GTPBP4: variants seen among roughly 807,000 people sequenced by gnomAD.
The protein encoded by GTPBP4 is GTP-binding protein 4.
GTPBP4 carries 15 observed loss-of-function variants against 81.7 expected under a neutral mutation model. The observed-to-expected ratio is 0.18, with a 90% CI of 0.12 to 0.28. The LOEUF (loss-of-function observed/expected upper bound fraction) is 0.28, where lower values mean the gene tolerates loss of function less well. Among genes scored for constraint, GTPBP4 ranks in the 10% least tolerant of loss-of-function variants. The pLI is 1.00. For missense variants in GTPBP4, 847 were observed against 793.8 expected, an observed-to-expected ratio of 1.07 and a Z score of -0.81; for synonymous variants, 272 against 274.6, an observed-to-expected ratio of 0.99 and a Z score of 0.09.
rs1292278247 is a variant in GTPBP4 at position 991,895 on chromosome 10, C to T, written c.49-594C>T. ...TATTTTTAGTAGAGACGGGGTTTCA[C>T]CGTGTTAGCCAGGATGGTCTCGATC... On this transcript the variant is annotated intron_variant, in intron 1 of 16. Transcript: ENST00000360803. Among the ~76,000 whole-genome samples, 51 of 147,118 alleles carry T rather than the reference C, an allele frequency of 3.5e-4. 1 individual carries two copies. The highest frequency in any genetic ancestry group is 6.5e-4 in the Non-Finnish European group (43 of 66,368).
chr10:1,004,901 G>A (rs936522325), intron 8 of GTPBP4, among the ~76,000 whole-genome samples: 3 of 152,192 alleles, frequency 2.0e-5, no homozygotes, highest in Admixed American at 6.5e-5. Context: ...CCAAGATGAT[G>A]GAGTATAGCC....
intron 9 of GTPBP4, among the ~76,000 whole-genome samples, chr10:1,006,430 G>A (rs1362142421): frequency 6.6e-6 from 1 of 152,172 alleles, no homozygotes; most frequent in African/African-American, 2.4e-5. Context: ...CCCAAGGTCG[G>A]GAGTTCGAGA....
At position 999,104 on chromosome 10, in the gene GTPBP4, C is replaced by T. The variant is rs1333825480; in HGVS notation, c.654+9C>T. The T allele has an allele frequency of 2.8e-6, 4 of 1,422,300 alleles. No individual in the cohort carries two copies. The highest frequency in any genetic ancestry group is 1.8e-4 in the Middle Eastern group (1 of 5,658). 88.1% of individuals were successfully genotyped at this position (1,422,300 alleles called of 1,614,324 possible). Reference sequence around the variant, plus strand: ...AGTATCTACGTTGGCAGGTGAGAGTCTTGTCTTTATTTTTATTCATTTATT... The same window carrying T: ...AGTATCTACGTTGGCAGGTGAGAGTTTTGTCTTTATTTTTATTCATTTATT... On this transcript the variant is annotated intron_variant, in intron 6 of 16. Transcript: ENST00000360803.
At chr10:1,012,836 T>C (rs1831903961) in intron 14 of GTPBP4, among the ~76,000 whole-genome samples, 174 bp downstream of exon 14, 1 of 152,250 alleles carries the variant, frequency 6.6e-6, no homozygotes, top group South Asian at 2.1e-4. Context: ...TTATATTCTT[T>C]ACTGCGTCCT....
rs779553274 is a variant in GTPBP4 at position 1,017,127 on chromosome 10, G to A, written c.1805G>A (p.Arg602Gln). ...MMKNAQKKMN[R>Q]LGKKGEADRH... ...AAGAATGCTCAGAAGAAGATGAATCGGTTGGGGAAGAAAGGGGAGGCGGAT... is the reference window on the plus strand; with the variant it reads ...AAGAATGCTCAGAAGAAGATGAATCAGTTGGGGAAGAAAGGGGAGGCGGAT... The change falls in exon 17 of 17, where the codon CGG becomes CAG. Residue 602 changes from arginine to glutamine, a missense_variant. Arg to Gln is a conservative substitution (Grantham distance 43). Coordinates refer to ENST00000360803, the MANE Select transcript of GTPBP4 (RefSeq NM_012341.3). The A allele has an allele frequency of 5.5e-5, 89 of 1,613,634 alleles. No individual in the cohort carries two copies. Among genetic ancestry groups the A allele is most frequent in the African/African-American group, 6.7e-5 (5 of 74,906 alleles).
rs1356058085 is a variant in GTPBP4 at position 988,891 on chromosome 10, G to C, written c.48+364G>C. On this transcript the variant is annotated intron_variant, in intron 1 of 16. Transcript: ENST00000360803. ...TGAGGGAGGAAGCGTTCCGTGGTCC[G>C]TGATGAGCCTTCGGATTCTGGGTTT... 3 of 229,206 alleles carry C rather than the reference G, an allele frequency of 1.3e-5. No homozygotes were observed. In the South Asian group the frequency reaches 2.8e-4, roughly 21 times the overall value. 14.2% of individuals were successfully genotyped at this position (229,206 alleles called of 1,614,324 possible). A position where few individuals can be genotyped will look rare whatever the true frequency, so the allele number is the denominator to read the frequency against.
chr10:988,566 C>T (rs2132149893), intron 1 of GTPBP4, 39 bp downstream of exon 1: 2 of 1,524,916 alleles, frequency 1.3e-6, no homozygotes, highest in Non-Finnish European at 1.8e-6. Flanking sequence ...CTTTCGCGTT[C>T]TCCTCAGCTG....
chr10:1,000,488 C>T (rs374232621), intron 6 of GTPBP4, among the ~76,000 whole-genome samples, 189 bp from the exon 7 acceptor site: 25 of 151,730 alleles, frequency 1.6e-4, no homozygotes, highest in African/African-American at 5.8e-4. Flanking sequence ...CCACCCGCCT[C>T]GGCCTCCCAG....
At chr10:1,010,836 TG>T (rs1831844091) in intron 13 of GTPBP4, among the ~76,000 whole-genome samples, 1 of 41,006 alleles carries the variant, frequency 2.4e-5, no homozygotes, top group Non-Finnish European at 4.5e-5. Flanking sequence ...ACCTCTTCCC[TG>T]TCCCGACACT....
At chr10:1,016,801 A>G (rs1348919672) in intron 16 of GTPBP4, among the ~76,000 whole-genome samples, 2 of 152,112 alleles carry the variant, frequency 1.3e-5, no homozygotes, top group African/African-American at 4.8e-5. Context: ...TAACAGGGAT[A>G]ACTGTGCTGG....
Position 1,019,226 on chromosome 10 carries a change from C to T in GTPBP4, c.*1999C>T, listed in dbSNP as rs1267870986. The stretch of plus-strand genomic sequence containing the variant: ...CAGGACTCTCAAGATCTCCCCAAGA[C>T]TTTCAGGATCAGCTGCTGTTAATCA... On this transcript the variant is annotated 3_prime_UTR_variant, in exon 17 of 17. Coordinates refer to ENST00000360803, the MANE Select transcript of GTPBP4 (RefSeq NM_012341.3). 6.2e-6 allele frequency: 2 copies of T among 320,140 alleles called. No homozygotes were observed. The allele number at this position is 320,140 out of a possible 1,614,324, so 19.8% of individuals were successfully genotyped here. A position where few individuals can be genotyped will look rare whatever the true frequency, so the allele number is the denominator to read the frequency against.
rs1002257816 is a variant in GTPBP4 at position 1,019,810 on chromosome 10, T to C, written c.*2583T>C. On this transcript the variant is annotated 3_prime_UTR_variant, in exon 17 of 17. Transcript: ENST00000360803. ...TTTGCCTTGTGGTGATAGATTGTCA[T>C]GAACACAATGTCCTCTGGAGAAATC... 3.7e-6 allele frequency: 6 copies of C among 1,613,834 alleles called. No homozygotes were observed. In the African/African-American group the frequency reaches 4.0e-5, roughly 11 times the overall value.
chr10:997,158 C>G (rs1433389545), intron 4 of GTPBP4, 50 bp from the exon 5 acceptor site: 1 of 1,105,504 alleles, frequency 9.0e-7, no homozygotes, highest in Non-Finnish European at 1.4e-6. Context: ...AAATTTAAAG[C>G]AAATCTTAAA....
Position 992,667 on chromosome 10 carries a change from A to G in GTPBP4, c.219+8A>G, listed in dbSNP as rs765952279. On this transcript the variant is annotated splice_region_variant and intron_variant, in intron 2 of 16. Transcript: ENST00000360803. ...GATTTCCCCAAATTGGATGTAAGTG[A>G]CTTAGGGGACTTCTGTGGTTATGTA... 1.9e-6 allele frequency: 3 copies of G among 1,559,990 alleles called. No individual in the cohort carries two copies. Among genetic ancestry groups the G allele is most frequent in the East Asian group, 4.5e-5 (2 of 44,576 alleles).
chr10:1,000,924 T>G, intron 7 of GTPBP4, 24 bp from the exon 8 acceptor site: 2 of 1,609,894 alleles, frequency 1.2e-6, no homozygotes, highest in Non-Finnish European at 1.7e-6. Context: ...AATAATGATT[T>G]CATTATTTTT....
At chr10:989,321 G>A (rs370135645) in intron 1 of GTPBP4, among the ~76,000 whole-genome samples, 2 of 152,038 alleles carry the variant, frequency 1.3e-5, no homozygotes, top group East Asian at 1.9e-4. Context: ...CACCACGTTG[G>A]CCAAGCTGGC....
intron 2 of GTPBP4, among the ~76,000 whole-genome samples, chr10:993,434 A>T (rs1018327855): frequency 6.6e-6 from 1 of 152,198 alleles, no homozygotes; most frequent in South Asian, 2.1e-4. Flanking sequence ...TTTAGTAGAA[A>T]TGGGGTTTCA....
At position 996,259 on chromosome 10, in the gene GTPBP4, C is replaced by A. The variant is rs371458948; in HGVS notation, c.460+17C>A. The A allele has an allele frequency of 6.2e-7, 1 of 1,604,612 alleles. No homozygotes were observed. The highest frequency in any genetic ancestry group is 1.3e-5 in the African/African-American group (1 of 74,374). On this transcript the variant is annotated intron_variant, in intron 4 of 16. Coordinates refer to ENST00000360803, the MANE Select transcript of GTPBP4 (RefSeq NM_012341.3). The stretch of plus-strand genomic sequence containing the variant: ...TGGAGCAAGGTGCTTGTCACGCATC[C>A]GCGGGAACCGTGCTAGCATCCTGCT...
chr10:1,019,135 C>A lies in GTPBP4; in HGVS notation c.*1908C>A. 5.5e-6 allele frequency: 1 copy of A among 181,544 alleles called. No homozygotes were observed. The highest frequency in any genetic ancestry group is 1.2e-5 in the Non-Finnish European group (1 of 86,238). The allele number at this position is 181,544 out of a possible 1,614,324, so 11.2% of individuals were successfully genotyped here. A position where few individuals can be genotyped will look rare whatever the true frequency, so the allele number is the denominator to read the frequency against. ...CATGATACAGAGATCCCATCCTGAC[C>A]TTGGAGGCTTGGATAAAGCTGTGGG... On this transcript the variant is annotated 3_prime_UTR_variant, in exon 17 of 17. Transcript: ENST00000360803.
Sources: allele counts gnomAD v4.1 joint callset (sites outside exome capture counted in the v4.1 genomes callset), GRCh38; gene constraint gnomAD v4.1.1; transcripts MANE v1.5; gene names NCBI Gene and HGNC (gene_info 2026-07-23, HGNC 2026-07-21).